The following TMEM266 variants were observed in gnomAD, a reference collection of about 807,000 sequenced individuals.
The protein encoded by TMEM266 is Hv1 related protein 1.
In TMEM266, 33 loss-of-function variants were observed where a neutral mutation model predicts 50.5. The ratio of observed to expected loss-of-function variants is 0.65; its 90% CI spans 0.50 to 0.87. The LOEUF (loss-of-function observed/expected upper bound fraction) is 0.87. TMEM266 is among the 40% of genes least tolerant of loss of function. The pLI is 0.00. For synonymous variants in TMEM266, 310 were observed against 292.3 expected, an observed-to-expected ratio of 1.06 and a Z score of -0.62; for missense variants, 655 against 695.1, an observed-to-expected ratio of 0.94 and a Z score of 0.65.
rs1387037217 is a variant in TMEM266, at chr15:76,099,375, C to A, written c.-96-34793C>A. ...CTTCCCAGGTGAGGCAACGCCCCAC[C>A]CTGCTTCAGCTCACTTTCTGTGGGT... On this transcript the variant is annotated intron_variant, in intron 1 of 10. Coordinates refer to ENST00000388942, the MANE Select transcript of TMEM266 (RefSeq NM_152335.3). Among the ~76,000 whole-genome samples the A allele has an allele frequency of 2.0e-5, 3 of 152,226 alleles. No homozygotes were observed. The East Asian group carries it at 5.8e-4, about 29-fold the overall frequency.
intron 1 of TMEM266, among the ~76,000 whole-genome samples, chr15:76,070,003 C>T (rs1045066807): frequency 2.0e-5 from 3 of 152,038 alleles, no homozygotes; most frequent in Admixed American, 1.3e-4. Flanking sequence ...TATTATGCAA[C>T]GTTTATTGCA....
At chr15:76,076,482 T>A (rs2036609526) in intron 1 of TMEM266, among the ~76,000 whole-genome samples, 1 of 152,110 alleles carries the variant, frequency 6.6e-6, no homozygotes, top group Non-Finnish European at 1.5e-5. Context: ...TCCCTTTACA[T>A]TCATAAACCA....
intron 7 of TMEM266, 88 bp downstream of exon 7, chr15:76,171,219 C>A: frequency 6.5e-7 from 1 of 1,529,140 alleles, no homozygotes; most frequent in Non-Finnish European, 8.8e-7. Flanking sequence ...GATGGGGGTA[C>A]ACCCTGCTGG....
intron 5 of TMEM266, among the ~76,000 whole-genome samples, chr15:76,163,493 G>T (rs902387769): frequency 6.6e-6 from 1 of 152,176 alleles, no homozygotes; most frequent in African/African-American, 2.4e-5. Flanking sequence ...GTCACGCAGG[G>T]TCACTGCGCT....
chr15:76,160,062 T>C lies in TMEM266; in HGVS notation c.383-33T>C. Reference sequence around the variant, plus strand: ...CATAGCAACGCACCTAATTCCTCACTCCTAAAATTGGTCCTTATCGTGTCC... The same window carrying C: ...CATAGCAACGCACCTAATTCCTCACCCCTAAAATTGGTCCTTATCGTGTCC... On this transcript the variant is annotated intron_variant, in intron 4 of 10. Coordinates refer to ENST00000388942, the MANE Select transcript of TMEM266 (RefSeq NM_152335.3). The surrounding 1 kb of genome is among the most constrained non-coding windows in gnomAD (Gnocchi z 5.7). The C allele has an allele frequency of 6.2e-7, 1 of 1,604,834 alleles. No homozygotes were observed. Among genetic ancestry groups the C allele is most frequent in the Non-Finnish European group, 8.5e-7 (1 of 1,171,682 alleles).
At chr15:76,094,303 G>A (rs192443996) in intron 1 of TMEM266, among the ~76,000 whole-genome samples, 3 of 152,170 alleles carry the variant, frequency 2.0e-5, no homozygotes, top group East Asian at 3.9e-4. Context: ...TAAGGTGTAA[G>A]GAAGGGGTCC....
chr15:76,118,297 C>T, intron 1 of TMEM266, among the ~76,000 whole-genome samples: 1 of 152,220 alleles, frequency 6.6e-6, no homozygotes, highest in South Asian at 2.1e-4. Flanking sequence ...TGTGGTGGCT[C>T]ATGCCTGGAA....
At chr15:76,106,602 G>A (rs1426513143) in intron 1 of TMEM266, among the ~76,000 whole-genome samples, 28 of 151,948 alleles carry the variant, frequency 1.8e-4, no homozygotes, top group Non-Finnish European at 1.5e-5. Flanking sequence ...ATCACACTTG[G>A]CTAATTATTT....
intron 1 of TMEM266, among the ~76,000 whole-genome samples, chr15:76,133,867 A>C (rs1054668495): frequency 1.3e-5 from 2 of 152,248 alleles, no homozygotes; most frequent in Non-Finnish European, 2.9e-5. Context: ...TGGGGGGCAC[A>C]GCAGTTTAGT....
chr15:76,137,748 C>T lies in TMEM266; in HGVS notation c.80C>T (p.Ser27Phe), dbSNP rs891192320. The T allele has an allele frequency of 1.9e-6, 3 of 1,614,078 alleles. No homozygotes were observed. Among genetic ancestry groups the T allele is most frequent in the South Asian group, 1.1e-5 (1 of 91,090 alleles). Residue 27 changes from serine (S) to phenylalanine (F), a missense_variant, in exon 3 of 11, where the codon TCC (serine) becomes TTC (phenylalanine). Coordinates refer to ENST00000388942, the MANE Select transcript of TMEM266 (RefSeq NM_152335.3). ...GGAATTTCTGAAGTTGAGATCATCT[C>T]CCAACAAGTAGACGAAGAAACCAAG...
chr15:76,074,684 T>C (rs2036581733), intron 1 of TMEM266, among the ~76,000 whole-genome samples: 1 of 151,924 alleles, frequency 6.6e-6, no homozygotes, highest in Non-Finnish European at 1.5e-5. Flanking sequence ...CCTTGGAGTA[T>C]TGACAGCAGA....
rs1555445504 is a variant in TMEM266 at position 76,084,608 on chromosome 15, T to TTG, written c.-97+24593_-97+24594insGT. Among the ~76,000 whole-genome samples, 514 of 137,422 alleles carry TTG rather than the reference T, an allele frequency of 3.7e-3. 5 individuals carry two copies. Among genetic ancestry groups the TTG allele is most frequent in the African/African-American group, 0.017 (480 of 28,436 alleles). The allele number at this position is 137,422 out of a possible 152,430, so 90.2% of individuals were successfully genotyped here. ...TGAGGGTTTTTTTTGGTTTTTTTTT[T>TTG]TTTGTTTTTTGAGACAGAGTCTTGC... On this transcript the variant is annotated intron_variant, in intron 1 of 10. Transcript: ENST00000388942.
At chr15:76,092,240 C>T (rs1274575898) in intron 1 of TMEM266, among the ~76,000 whole-genome samples, 1 of 152,072 alleles carries the variant, frequency 6.6e-6, no homozygotes, top group South Asian at 2.1e-4. Context: ...ATAAATGCTG[C>T]TTATTGGTCT....
At chr15:76,202,429 A>C (rs773447030) in intron 10 of TMEM266, among the ~76,000 whole-genome samples, 165 bp downstream of exon 10, 1 of 152,116 alleles carries the variant, frequency 6.6e-6, no homozygotes, top group Non-Finnish European at 1.5e-5. Context: ...CTTCCAGCAA[A>C]CTCCAGCACT....
chr15:76,203,607 T>G, intron 10 of TMEM266, 134 bp from the exon 11 acceptor site: 1 of 787,172 alleles, frequency 1.3e-6, no homozygotes, highest in Admixed American at 2.3e-5. Context: ...TACCAAGGCC[T>G]CCTTCCACAA....
chr15:76,118,210 A>C (rs56901275), intron 1 of TMEM266, among the ~76,000 whole-genome samples: 1 of 152,238 alleles, frequency 6.6e-6, no homozygotes, highest in African/African-American at 2.4e-5. Flanking sequence ...CCTTCAGCAC[A>C]TATCATCTTC....
chr15:76,201,947 A>G (rs561146089), intron 9 of TMEM266, among the ~76,000 whole-genome samples: 2 of 152,304 alleles, frequency 1.3e-5, no homozygotes, highest in South Asian at 2.1e-4. Context: ...ACAGAGGGGA[A>G]GGGGTCTGTC....
intron 9 of TMEM266, 137 bp downstream of exon 9, chr15:76,192,294 G>A: frequency 1.2e-6 from 1 of 819,334 alleles, no homozygotes; most frequent in African/African-American, 1.8e-5. Context: ...CGTGATTGGG[G>A]GACACGCTCA....
chr15:76,075,880 A>T, intron 1 of TMEM266, among the ~76,000 whole-genome samples: 1 of 68,518 alleles, frequency 1.5e-5, no homozygotes, highest in Non-Finnish European at 2.7e-5. Flanking sequence ...TTTTTGAGAC[A>T]CGGGCTTTTT....
Sources: gnomAD v4.1 joint callset for allele counts (sites outside exome capture counted in the v4.1 genomes callset) on GRCh38, gnomAD v4.1.1 for gene constraint, Gnocchi (gnomAD v3.1) non-coding constraint, MANE v1.5 for transcripts, NCBI Gene and HGNC (gene_info 2026-07-23, HGNC 2026-07-21) for gene names.